The following HYDIN variants were observed in gnomAD, a reference collection of about 807,000 sequenced individuals.
The protein encoded by HYDIN is axonemal central pair apparatus protein HYDIN.
In HYDIN, 132 loss-of-function variants were observed where a neutral mutation model predicts 403.9. That is an observed-to-expected ratio of 0.33 (90% CI 0.28 to 0.38). The LOEUF (loss-of-function observed/expected upper bound fraction) is 0.38, where lower values mean the gene tolerates loss of function less well. Among genes scored for constraint, HYDIN ranks in the 10% least tolerant of loss-of-function variants. The pLI is 1.00. For missense variants in HYDIN, 2,827 were observed against 5,009.5 expected (o/e 0.56, Z 13.15); for synonymous variants, 1,202 against 1,891.7 (o/e 0.64, Z 9.46).
At chr16:71,183,688 C>A (rs2087003032) in intron 3 of HYDIN, among the ~76,000 whole-genome samples, 1 of 152,028 alleles carries the variant, frequency 6.6e-6, no homozygotes, top group Non-Finnish European at 1.5e-5. Flanking sequence ...AGGCAAGACA[C>A]AAATATTATC....
chr16:71,020,222 G>A lies in HYDIN; in HGVS notation c.3282C>T (p.Pro1094=). Residue 1094 remains proline (P), a synonymous_variant, in exon 22 of 86, where the codon CCC becomes CCT. Coordinates refer to ENST00000393567, the MANE Select transcript of HYDIN (RefSeq NM_001270974.2). ...ATTTATCAGTCTCACATATAAAGAA[G>A]GGTCCAGATGTTGACAGCAACAAGT... The part of the protein sequence containing the change: ...PVNLLLSTSG[P]FFICETDKSL... The A allele has an allele frequency of 6.2e-7, 1 of 1,613,804 alleles. No individual in the cohort carries two copies. The highest frequency in any genetic ancestry group is 1.3e-5 in the African/African-American group (1 of 75,008).
chr16:70,802,856 G>A lies in HYDIN; in HGVS notation c.*4724C>T, dbSNP rs1049329130. 2.0e-5 allele frequency: 3 copies of A among 152,204 alleles called. No homozygotes were observed. Among genetic ancestry groups the A allele is most frequent in the Admixed American group, 6.5e-5 (1 of 15,282 alleles). 9.4% of individuals were successfully genotyped at this position (152,204 alleles called of 1,614,324 possible). The stretch of plus-strand genomic sequence containing the variant: ...GGTTTTCATAGTTGTTAAAACCTTT[G>A]CTGACACAATCCTATGAATGAAGGT... On this transcript the variant is annotated 3_prime_UTR_variant, in exon 86 of 86. Coordinates refer to ENST00000393567, the MANE Select transcript of HYDIN (RefSeq NM_001270974.2).
intron 30 of HYDIN, among the ~76,000 whole-genome samples, chr16:70,978,668 A>C (rs1259290707): frequency 1.3e-5 from 2 of 152,222 alleles, no homozygotes; most frequent in African/African-American, 2.4e-5. Context: ...TAGATCAGCC[A>C]TCTGATACCT....
At chr16:71,089,082 A>G (rs1023157081) in intron 11 of HYDIN, among the ~76,000 whole-genome samples, 6 of 144,818 alleles carry the variant, frequency 4.1e-5, no homozygotes, top group African/African-American at 1.3e-4. Flanking sequence ...CTCAGATTCT[A>G]CTGGATGGAT....
chr16:71,041,767 T>C (rs2081294299), intron 18 of HYDIN, among the ~76,000 whole-genome samples: 1 of 151,738 alleles, frequency 6.6e-6, no homozygotes, highest in Non-Finnish European at 1.5e-5. Context: ...CTGTTTGTTC[T>C]ATAAAGATAA....
intron 3 of HYDIN, among the ~76,000 whole-genome samples, chr16:71,180,531 C>T (rs939769985): frequency 1.3e-5 from 2 of 151,976 alleles, no homozygotes; most frequent in Non-Finnish European, 2.9e-5. Flanking sequence ...GTTAGCATAA[C>T]CTCCTTTATA....
chr16:70,923,824 A>C (rs1476068751), intron 45 of HYDIN, among the ~76,000 whole-genome samples: 1 of 145,928 alleles, frequency 6.9e-6, no homozygotes, highest in Non-Finnish European at 1.5e-5. Flanking sequence ...CTGTCTCAAA[A>C]AAAAAAAAAA....
chr16:70,938,088 G>A (rs1472733668), intron 44 of HYDIN, among the ~76,000 whole-genome samples: 6 of 152,252 alleles, frequency 3.9e-5, no homozygotes, highest in Non-Finnish European at 7.3e-5. Context: ...CCCAGGCTGA[G>A]GATCCCATGG....
Position 70,874,812 on chromosome 16 carries a change from C to T in HYDIN, c.10660+5G>A. On this transcript the variant is annotated splice_donor_5th_base_variant and intron_variant, in intron 63 of 85. Coordinates refer to ENST00000393567, the MANE Select transcript of HYDIN (RefSeq NM_001270974.2). ...GCCCTCTAGAAGCACCCTCCCCACA[C>T]TTACCTTTTACATGTGGTTTATTTT... The T allele has an allele frequency of 6.2e-6, 10 of 1,612,948 alleles. No homozygotes were observed. Among genetic ancestry groups the T allele is most frequent in the South Asian group, 1.1e-5 (1 of 90,796 alleles).
chr16:70,859,058 T>A (rs918743419), intron 71 of HYDIN, among the ~76,000 whole-genome samples: 2 of 151,428 alleles, frequency 1.3e-5, no homozygotes, highest in South Asian at 2.1e-4. Context: ...TCCCAGCACT[T>A]TGGGAGGCCG....
chr16:71,217,162 G>A (rs1236848052), intron 1 of HYDIN, among the ~76,000 whole-genome samples: 1 of 152,148 alleles, frequency 6.6e-6, no homozygotes, highest in African/African-American at 2.4e-5. Flanking sequence ...GTATTCTGCT[G>A]TTCTTCTCTC....
chr16:70,996,597 G>C (rs1466792788), intron 23 of HYDIN, among the ~76,000 whole-genome samples: 1 of 152,136 alleles, frequency 6.6e-6, no homozygotes, highest in African/African-American at 2.4e-5. Context: ...CAGGGTCATA[G>C]CAAATGTCCA....
intron 8 of HYDIN, among the ~76,000 whole-genome samples, chr16:71,130,114 T>C (rs1191761385): frequency 6.6e-6 from 1 of 152,286 alleles, no homozygotes; most frequent in Non-Finnish European, 1.5e-5. Context: ...ACAAATATTT[T>C]CTTTCAGGTA....
chr16:71,137,019 C>T (rs1454709707), intron 8 of HYDIN, 132 bp downstream of exon 8: 2 of 641,288 alleles, frequency 3.1e-6, no homozygotes, highest in South Asian at 1.9e-5. Context: ...TAAACCAGAA[C>T]CAAGTTAGAA....
chr16:71,044,454 T>C (rs2081388856), intron 18 of HYDIN, among the ~76,000 whole-genome samples: 1 of 151,476 alleles, frequency 6.6e-6, no homozygotes, highest in African/African-American at 2.4e-5. Context: ...TCAGCCTTTA[T>C]CTATTCTTCC....
intron 13 of HYDIN, among the ~76,000 whole-genome samples, chr16:71,074,855 A>C (rs2082581713): frequency 6.6e-6 from 1 of 150,986 alleles, no homozygotes; most frequent in African/African-American, 2.4e-5. Flanking sequence ...CATGAGGCTT[A>C]AATTGTGGGG....
At chr16:71,093,732 TC>T (rs1366425487) in intron 11 of HYDIN, 84 bp downstream of exon 11, 1 of 1,491,522 alleles carries the variant, frequency 6.7e-7, no homozygotes, top group African/African-American at 1.4e-5. Flanking sequence ...GCATACTCTT[TC>T]CATCAAATAA....
At position 70,862,263 on chromosome 16, in the gene HYDIN, C is replaced by T; in HGVS notation, c.11570-8G>A. ...GATCTTTTTGAGCTGAACCTGGGGA[C>T]AGACAGGGAGTGGGTGATATTCTGC... On this transcript the variant is annotated splice_polypyrimidine_tract_variant and splice_region_variant and intron_variant, in intron 68 of 85. Transcript: ENST00000393567. 1.2e-6 allele frequency: 2 copies of T among 1,606,160 alleles called. No individual in the cohort carries two copies. The highest frequency in any genetic ancestry group is 1.7e-6 in the Non-Finnish European group (2 of 1,176,736).
chr16:71,183,685 A>C (rs2087002733), intron 3 of HYDIN, among the ~76,000 whole-genome samples: 1 of 152,172 alleles, frequency 6.6e-6, no homozygotes, highest in Non-Finnish European at 1.5e-5. Context: ...TAAAGGCAAG[A>C]CACAAATATT....
Sources: gnomAD v4.1 joint callset for allele counts (sites outside exome capture counted in the v4.1 genomes callset) on GRCh38, gnomAD v4.1.1 for gene constraint, MANE v1.5 for transcripts, NCBI Gene and HGNC (gene_info 2026-07-23, HGNC 2026-07-21) for gene names.